Variants in PKIB observed in about 807,000 individuals in gnomAD.
PKIB encodes cAMP-dependent protein kinase inhibitor beta, also known as PKI-beta.
PKIB carries 2 observed loss-of-function variants against 4.5 expected under a neutral mutation model. The observed-to-expected ratio is 0.44, with a 90% CI of 0.18 to 1.39. The LOEUF (loss-of-function observed/expected upper bound fraction) is 1.39, where lower values mean the gene tolerates loss of function less well. Ranked by LOEUF, PKIB falls within the 40% of genes most tolerant of loss-of-function variation. The pLI, the probability that PKIB is intolerant of heterozygous loss-of-function variation, is 0.27. For synonymous variants in PKIB, 38 were observed against 36.0 expected (o/e 1.06, Z -0.20); for missense variants, 94 against 92.6 (o/e 1.02, Z -0.06).
At chr6:122,701,334 C>A (rs1778805517) in intron 3 of PKIB, 1 of 871,912 alleles carries the variant, frequency 1.1e-6, no homozygotes, top group South Asian at 1.7e-5. Context: ...CAGCCAGTGA[C>A]AGTCACCAGG....
At chr6:122,583,158 C>T (rs749297255) in intron 2 of PKIB, among the ~76,000 whole-genome samples, 5 of 151,742 alleles carry the variant, frequency 3.3e-5, no homozygotes, top group African/African-American at 9.7e-5. Context: ...GTCAAACAAA[C>T]GAAGCTTTAG....
In PKIB at chr6:122,572,619, AC is replaced by A. The variant is rs1428041007; in HGVS notation, c.-247-13301del. Among the ~76,000 whole-genome samples the A allele has an allele frequency of 1.0e-3, 153 of 151,926 alleles. 1 individual carries two copies. Among genetic ancestry groups the A allele is most frequent in the African/African-American group, 3.2e-3 (132 of 41,498 alleles). ...CAAATGTAGCAGAAGGAAAAAAAAA[AC>A]AAAGATCAGAGCAGAACTAAATGAA... is the stretch of plus-strand genomic sequence containing the variant. On this transcript the variant is annotated intron_variant, in intron 2 of 6. Coordinates refer to the PKIB transcript ENST00000392491.
intron 2 of PKIB, among the ~76,000 whole-genome samples, chr6:122,526,825 C>A (rs73547233): frequency 1.4e-3 from 212 of 152,198 alleles, no homozygotes; most frequent in African/African-American, 4.9e-3. Flanking sequence ...GCTGTGTTAA[C>A]ACCTAATTAG....
At chr6:122,676,991 A>G (rs1251593937) in intron 3 of PKIB, among the ~76,000 whole-genome samples, 1 of 152,180 alleles carries the variant, frequency 6.6e-6, no homozygotes, top group Non-Finnish European at 1.5e-5. Context: ...ATTGTTTTAT[A>G]GATCTTGAGG....
chr6:122,686,764 C>T (rs984630709), intron 3 of PKIB, among the ~76,000 whole-genome samples: 2 of 152,146 alleles, frequency 1.3e-5, no homozygotes, highest in Non-Finnish European at 2.9e-5. Context: ...GCTGGGATTA[C>T]AGGTGTGAGG....
intron 2 of PKIB, among the ~76,000 whole-genome samples, chr6:122,512,089 C>A (rs1385207154): frequency 6.6e-6 from 1 of 152,106 alleles, no homozygotes; most frequent in East Asian, 1.9e-4. Context: ...TCCTTTTTCC[C>A]AACAATGTCC....
chr6:122,689,778 A>G lies in PKIB; in HGVS notation c.-9+14634A>G, dbSNP rs118176625. Among the ~76,000 whole-genome samples, 179 of 152,318 alleles carry G rather than the reference A, an allele frequency of 1.2e-3. 4 individuals carry two copies. The East Asian group carries it at 0.019, about 16-fold the overall frequency. On this transcript the variant is annotated intron_variant, in intron 3 of 4. Coordinates refer to ENST00000368452, the MANE Select transcript of PKIB (RefSeq NM_181795.3). ...AATATTTATCAGGTTCACTTGGTCT[A>G]TAATGCAGATTAAGTCCAATGTTTC...
intron 2 of PKIB, among the ~76,000 whole-genome samples, chr6:122,634,475 A>G (rs569127503): frequency 6.6e-6 from 1 of 152,276 alleles, no homozygotes; most frequent in East Asian, 1.9e-4. Flanking sequence ...TTGCTTCTCC[A>G]CTGCAGCTTA....
chr6:122,707,343 G>A (rs2115043685), intron 3 of PKIB, among the ~76,000 whole-genome samples: 1 of 151,938 alleles, frequency 6.6e-6, no homozygotes, highest in Non-Finnish European at 1.5e-5. Context: ...ACAAATCAGA[G>A]CTCAAAAAGG....
chr6:122,668,144 ACT>A (rs1777304965), intron 2 of PKIB, among the ~76,000 whole-genome samples: 1 of 152,078 alleles, frequency 6.6e-6, no homozygotes, highest in Non-Finnish European at 1.5e-5. Flanking sequence ...AGGTTTTCAC[ACT>A]CTGATCTACC....
At chr6:122,550,790 GT>G (rs1286859372) in intron 2 of PKIB, among the ~76,000 whole-genome samples, 1 of 152,056 alleles carries the variant, frequency 6.6e-6, no homozygotes, top group Non-Finnish European at 1.5e-5. Context: ...CTTCTTTCTA[GT>G]TTATTTCCTT....
At chr6:122,679,116 T>G (rs1406107599) in intron 3 of PKIB, among the ~76,000 whole-genome samples, 1 of 152,192 alleles carries the variant, frequency 6.6e-6, no homozygotes, top group Admixed American at 6.5e-5. Flanking sequence ...CAAGGTGTTA[T>G]GTGTGCCAAA....
At chr6:122,717,527 A>C in intron 3 of PKIB, 1 of 448,590 alleles carries the variant, frequency 2.2e-6, no homozygotes. Flanking sequence ...GGATTACTGC[A>C]CCCTTAAGCA....
intron 3 of PKIB, among the ~76,000 whole-genome samples, chr6:122,690,933 T>TC (rs397788048): frequency 1.5e-4 from 17 of 112,468 alleles, no homozygotes; most frequent in African/African-American, 5.2e-4. Context: ...TATATATATA[T>TC]TTTTTTTTTT....
intron 2 of PKIB, among the ~76,000 whole-genome samples, chr6:122,540,345 G>A (rs1777554859): frequency 6.6e-6 from 1 of 151,826 alleles, no homozygotes; most frequent in Non-Finnish European, 1.5e-5. Flanking sequence ...TCTACACACT[G>A]CTTTGAATGT....
intron 1 of PKIB, among the ~76,000 whole-genome samples, chr6:122,472,216 A>G (rs1000653276): frequency 6.6e-6 from 1 of 151,606 alleles, no homozygotes; most frequent in African/African-American, 2.4e-5. Flanking sequence ...CTTATTTCCC[A>G]TTTTTCCCAC....
intron 3 of PKIB, among the ~76,000 whole-genome samples, chr6:122,716,476 A>C (rs1779501794): frequency 6.6e-6 from 1 of 152,186 alleles, no homozygotes; most frequent in African/African-American, 2.4e-5. Flanking sequence ...ATCTCAAAAC[A>C]TAGCTCTGTT....
At chr6:122,708,244 G>A (rs1318804310) in intron 3 of PKIB, among the ~76,000 whole-genome samples, 1 of 152,160 alleles carries the variant, frequency 6.6e-6, no homozygotes, top group Non-Finnish European at 1.5e-5. Context: ...AAACAAGGTG[G>A]TTAAAGCAAG....
In PKIB at chr6:122,620,475, T is replaced by C. The variant is rs1775180275; in HGVS notation, c.-161+9940T>C. On this transcript the variant is annotated intron_variant, in intron 1 of 4. Transcript: ENST00000368452. ...CACAGATAGGCTAATAATTCAGCTTTCCATTGATCAGAATTTGTGTTGCTT... is the reference window on the plus strand; with the variant it reads ...CACAGATAGGCTAATAATTCAGCTTCCCATTGATCAGAATTTGTGTTGCTT... Among the ~76,000 whole-genome samples the C allele has an allele frequency of 2.6e-5, 4 of 152,234 alleles. No individual in the cohort carries two copies. The South Asian group carries it at 8.3e-4, about 31-fold the overall frequency.
Sources: gnomAD v4.1 joint callset for allele counts (sites outside exome capture counted in the v4.1 genomes callset) on GRCh38, gnomAD v4.1.1 for gene constraint, MANE v1.5 for transcripts, NCBI Gene and HGNC (gene_info 2026-07-23, HGNC 2026-07-21) for gene names.